GRM1: variants seen among roughly 807,000 people sequenced by gnomAD.
GRM1 encodes the protein metabotropic glutamate receptor 1.
GRM1 carries 33 observed loss-of-function variants against 90.9 expected under a neutral mutation model. That is an observed-to-expected ratio of 0.36 (90% confidence interval 0.28 to 0.49). The LOEUF is 0.49. Ranked by LOEUF, GRM1 falls within the 20% of genes least tolerant of loss-of-function variation. The pLI is 0.99. For missense variants in GRM1, 1,190 were observed against 1,534.3 expected (o/e 0.78, Z 3.75); for synonymous variants, 700 against 613.2 (o/e 1.14, Z -2.09).
intron 2 of GRM1, among the ~76,000 whole-genome samples, chr6:146,173,685 G>A (rs1340017096): frequency 3.2e-5 from 4 of 124,276 alleles, no homozygotes; most frequent in Admixed American, 8.4e-5. Flanking sequence ...TTTTTTTTTC[G>A]AGACAGAGTC....
Position 146,029,901 on chromosome 6 carries a change from T to G in GRM1, c.384T>G (p.Ile128Met), listed in dbSNP as rs758531938. Residue 128 changes from isoleucine to methionine, a missense_variant, in exon 1 of 8, where the codon ATT becomes ATG. Physicochemically the swap from Ile to Met is conservative, Grantham distance 10 (BLOSUM62 1). Transcript: ENST00000282753. ...TTGAGTTCATTAGGGACTCTCTGAT[T>G]TCCATTCGAGATGAGAAGGATGGGA... ...QSIEFIRDSL[I>M]SIRDEKDGIN... 6.2e-7 allele frequency: 1 copy of G among 1,614,100 alleles called. No homozygotes were observed. Among genetic ancestry groups the G allele is most frequent in the Non-Finnish European group, 8.5e-7 (1 of 1,179,996 alleles).
intron 1 of GRM1, among the ~76,000 whole-genome samples, chr6:146,118,604 G>C (rs538808732): frequency 6.6e-6 from 1 of 152,244 alleles, no homozygotes; most frequent in African/African-American, 2.4e-5. Flanking sequence ...CTCCCACCCT[G>C]CAACAGGCCC....
chr6:146,357,637 C>G lies in GRM1; in HGVS notation c.1545C>G (p.Asn515Lys). ...LNIDDYKIQM[N>K]KSGVVRSVCS... ...TTGATGATTACAAAATCCAGATGAA[C>G]AAGAGTGGAGTGGTGCGGTCTGTGT... Residue 515 changes from asparagine (N) to lysine (K), a missense_variant, in exon 5 of 8, where the codon AAC becomes AAG. Transcript: ENST00000282753. 6.2e-7 allele frequency: 1 copy of G among 1,614,020 alleles called. No individual in the cohort carries two copies. The highest frequency in any genetic ancestry group is 8.5e-7 in the Non-Finnish European group (1 of 1,179,914).
At chr6:146,401,594 T>C (rs1383189848) in intron 7 of GRM1, among the ~76,000 whole-genome samples, 1 of 152,208 alleles carries the variant, frequency 6.6e-6, no homozygotes, top group East Asian at 1.9e-4. Context: ...TATGGTTTTC[T>C]GAGGGCTCCA....
intron 2 of GRM1, among the ~76,000 whole-genome samples, chr6:146,227,738 A>G (rs1583192341): frequency 6.6e-6 from 1 of 152,198 alleles, no homozygotes; most frequent in African/African-American, 2.4e-5. Flanking sequence ...AGCCTCCTTT[A>G]CAGAATGGGG....
rs570823555 is a variant in GRM1, at chr6:146,104,330, C to T, written c.701-55018C>T. On this transcript the variant is annotated intron_variant, in intron 1 of 7. Coordinates refer to ENST00000282753, the MANE Select transcript of GRM1 (RefSeq NM_001278064.2). ...TGGCGGGCGCCTGTAGTCCCAGCTA[C>T]TTGGGAGGCTGAGGCAGGAGAATGA... Among the ~76,000 whole-genome samples the T allele has an allele frequency of 2.0e-5, 3 of 152,132 alleles. No homozygotes were observed. In the East Asian group the frequency reaches 5.8e-4, roughly 29 times the overall value.
intron 1 of GRM1, among the ~76,000 whole-genome samples, chr6:146,127,701 A>G (rs1776247461): frequency 6.6e-6 from 1 of 152,248 alleles, no homozygotes; most frequent in African/African-American, 2.4e-5. Flanking sequence ...GCTAACTCTT[A>G]GGAGCTGTGT....
chr6:146,419,116 A>G (rs1777896049), intron 7 of GRM1, among the ~76,000 whole-genome samples: 1 of 152,202 alleles, frequency 6.6e-6, no homozygotes, highest in Admixed American at 6.5e-5. Flanking sequence ...CTTGACAAAC[A>G]TGTTGGAATT....
rs35329703 is a variant in GRM1, at chr6:146,146,103, C to CTTTTTTTTTTTTTTT, written c.701-13223_701-13209dup. Among the ~76,000 whole-genome samples the CTTTTTTTTTTTTTTT allele has an allele frequency of 1.2e-3, 24 of 19,988 alleles. 10 individuals carry two copies. Among genetic ancestry groups the CTTTTTTTTTTTTTTT allele is most frequent in the South Asian group, 7.0e-3 (3 of 428 alleles). The allele number at this position is 19,988 out of a possible 152,430, so 13.1% of individuals were successfully genotyped here. ...CTGTGCCTATGTACTACCATTGTATCTTTTTTTTTTTTTTTTTTTTTTTTT... is the reference window on the plus strand; with the variant it reads ...CTGTGCCTATGTACTACCATTGTATCTTTTTTTTTTTTTTTTTTTTTTTTTTTTTTTTTTTTTTTT... On this transcript the variant is annotated intron_variant, in intron 1 of 7. Transcript: ENST00000282753.
At chr6:146,380,372 A>T (rs6905721) in intron 5 of GRM1, among the ~76,000 whole-genome samples, 62,079 of 148,542 alleles carry the variant, frequency 0.42, 12,072 homozygotes, top group African/African-American at 0.48. Flanking sequence ...CCCATCAGAG[A>T]GCCCTTTGGC....
chr6:146,275,203 C>T (rs1022884157), intron 2 of GRM1, among the ~76,000 whole-genome samples: 7 of 152,016 alleles, frequency 4.6e-5, no homozygotes, highest in Non-Finnish European at 8.8e-5. Context: ...CAAAACAAAA[C>T]ATGTAAATAC....
At chr6:146,140,810 T>TTA (rs1349403056) in intron 1 of GRM1, among the ~76,000 whole-genome samples, 1 of 152,248 alleles carries the variant, frequency 6.6e-6, no homozygotes, top group Non-Finnish European at 1.5e-5. Context: ...TTGTTTCTAT[T>TTA]TATATCTTAC....
chr6:146,325,498 G>A (rs1039923916), intron 3 of GRM1, among the ~76,000 whole-genome samples: 2 of 152,172 alleles, frequency 1.3e-5, no homozygotes, highest in Admixed American at 6.5e-5. Context: ...CATTTGAAAT[G>A]GATTTATTTA....
At chr6:146,252,916 T>G (rs933689548) in intron 2 of GRM1, among the ~76,000 whole-genome samples, 5 of 151,708 alleles carry the variant, frequency 3.3e-5, no homozygotes, top group Non-Finnish European at 7.4e-5. Flanking sequence ...AAAAATTAGC[T>G]GGGCGTGGTG....
chr6:146,408,772 G>T (rs1777450037), intron 7 of GRM1, among the ~76,000 whole-genome samples: 1 of 152,144 alleles, frequency 6.6e-6, no homozygotes, highest in Admixed American at 6.5e-5. Context: ...ACACGGTTTG[G>T]CAACCTGTCC....
rs56009130 is a variant in GRM1 at position 146,413,392 on chromosome 6, C to A, written c.2660+13693C>A. ...GGTCAATATTCTTAGAAATGTAATG[C>A]TCTCTTTTAACATGGATTTACATTT... On this transcript the variant is annotated intron_variant, in intron 7 of 7. Transcript: ENST00000282753. Among the ~76,000 whole-genome samples, 707 of 152,060 alleles carry A rather than the reference C, an allele frequency of 4.6e-3. 2 individuals are homozygous for A. The highest frequency in any genetic ancestry group is 7.2e-3 in the Non-Finnish European group (490 of 67,936).
chr6:146,362,561 C>G (rs559482043), intron 5 of GRM1, among the ~76,000 whole-genome samples: 1 of 147,894 alleles, frequency 6.8e-6, no homozygotes, highest in African/African-American at 2.5e-5. Context: ...CGCCTGTAAT[C>G]ACAGCTACTC....
chr6:146,051,083 A>G (rs551851127), intron 1 of GRM1, among the ~76,000 whole-genome samples: 1 of 152,012 alleles, frequency 6.6e-6, no homozygotes, highest in African/African-American at 2.4e-5. Context: ...GAGGGGGATT[A>G]GTGGTTAATA....
intron 2 of GRM1, among the ~76,000 whole-genome samples, chr6:146,221,914 A>G (rs1780076927): frequency 6.6e-6 from 1 of 152,156 alleles, no homozygotes; most frequent in East Asian, 1.9e-4. Flanking sequence ...GTTCCACAAA[A>G]TACTCATCTT....
Sources: gnomAD v4.1 joint callset for allele counts (sites outside exome capture counted in the v4.1 genomes callset) on GRCh38, gnomAD v4.1.1 for gene constraint, MANE v1.5 for transcripts, NCBI Gene and HGNC (gene_info 2026-07-23, HGNC 2026-07-21) for gene names.